Variants in DNAH6 observed in about 807,000 individuals in gnomAD.
DNAH6 encodes axonemal beta dynein heavy chain 6.
A neutral mutation model predicts 491.4 loss-of-function variants in DNAH6; 340 were observed. The ratio of observed to expected loss-of-function variants is 0.69; its 90% CI spans 0.63 to 0.76. The LOEUF (loss-of-function observed/expected upper bound fraction) is 0.76. DNAH6 is among the 30% of genes least tolerant of loss of function. The pLI, the probability that DNAH6 is intolerant of heterozygous loss-of-function variation, is 0.00. For synonymous variants in DNAH6, 1,603 were observed against 1,686.1 expected (o/e 0.95, Z 1.21); for missense variants, 4,443 against 4,972.2 (o/e 0.89, Z 3.20).
chr2:84,574,918 A>G (rs1682274691), intron 12 of DNAH6, among the ~76,000 whole-genome samples: 1 of 152,172 alleles, frequency 6.6e-6, no homozygotes, highest in Non-Finnish European at 1.5e-5. Context: ...AGTTCCCATC[A>G]GCATGCAGTC....
intron 69 of DNAH6, among the ~76,000 whole-genome samples, chr2:84,796,925 A>G (rs1678412486): frequency 6.6e-6 from 1 of 152,232 alleles, no homozygotes. Flanking sequence ...AGTAAAAACC[A>G]GATCTGTGAG....
At chr2:84,720,324 G>A (rs1397919443) in intron 59 of DNAH6, among the ~76,000 whole-genome samples, 1 of 122,276 alleles carries the variant, frequency 8.2e-6, no homozygotes, top group Non-Finnish European at 1.6e-5. Context: ...TGTCGCCCAG[G>A]CTGGAGTGCA....
chr2:84,654,737 A>G lies in DNAH6; in HGVS notation c.5712A>G (p.Lys1904=). 2 of 1,551,260 alleles carry G rather than the reference A, an allele frequency of 1.3e-6. No individual in the cohort carries two copies. The highest frequency in any genetic ancestry group is 1.7e-6 in the Non-Finnish European group (2 of 1,146,432). ...TGTTTGTGGATCCTGAAGAACTGAA[A>G]TGGATGCCTTATGTTAAAACTTGGA... is the stretch of plus-strand genomic sequence containing the variant. ...GMVFVDPEEL[K]WMPYVKTWMK... Residue 1904 remains lysine, a synonymous_variant, in exon 35 of 77, where the codon AAA becomes AAG. Transcript: ENST00000389394.
chr2:84,709,507 A>C lies in DNAH6; in HGVS notation c.9213A>C (p.Gln3071His). The C allele has an allele frequency of 6.4e-7, 1 of 1,551,734 alleles. No homozygotes were observed. Among genetic ancestry groups the C allele is most frequent in the South Asian group, 1.2e-5 (1 of 84,040 alleles). ...ISTENGILVT[Q>H]GRRWPLMIDP... ...CAGAAAATGGCATTTTGGTTACTCA[A>C]GGCAGAAGATGGCCTTTGATGATTG... Residue 3071 changes from glutamine (Q) to histidine (H), a missense_variant, in exon 55 of 77, where the codon CAA (glutamine) becomes CAC (histidine). Gln to His is a conservative substitution (Grantham distance 24). Transcript: ENST00000389394.
rs547970332 is a variant in DNAH6 at position 84,643,506 on chromosome 2, G to A, written c.5078+1452G>A. On this transcript the variant is annotated intron_variant, in intron 33 of 76. Transcript: ENST00000389394. Reference sequence around the variant, plus strand: ...ACCCTCTGGTATTCCCACTGCACACGTGGTACTCCTTTTGTAGTTGTACCA... The same window carrying A: ...ACCCTCTGGTATTCCCACTGCACACATGGTACTCCTTTTGTAGTTGTACCA... Among the ~76,000 whole-genome samples, 16 of 152,070 alleles carry A rather than the reference G, an allele frequency of 1.1e-4. 1 individual carries two copies. The South Asian group carries it at 2.5e-3, about 24-fold the overall frequency.
intron 11 of DNAH6, among the ~76,000 whole-genome samples, chr2:84,560,714 G>GT (rs1463503254): frequency 3.3e-5 from 5 of 151,904 alleles, no homozygotes; most frequent in East Asian, 3.9e-4. Context: ...GTGGTGTTTG[G>GT]TTTTTTGTCC....
the DNAH6 span, among the ~76,000 whole-genome samples, chr2:84,471,707 G>T: frequency 9.2e-5 from 14 of 152,264 alleles, no homozygotes; most frequent in African/African-American, 3.1e-4. Context: ...CATCCACGTG[G>T]TTCGTTCATC....
chr2:84,522,891 T>G (rs1411315957), intron 2 of DNAH6, among the ~76,000 whole-genome samples: 1 of 152,176 alleles, frequency 6.6e-6, no homozygotes, highest in East Asian at 1.9e-4. Context: ...GATTCTTGCA[T>G]CAATGTTTGT....
chr2:84,657,311 T>G (rs886174312), intron 35 of DNAH6, among the ~76,000 whole-genome samples: 3 of 152,018 alleles, frequency 2.0e-5, no homozygotes, highest in African/African-American at 7.2e-5. Flanking sequence ...TATTCTGGGT[T>G]TTTTGCCTTT....
intron 57 of DNAH6, 106 bp from the exon 58 acceptor site, chr2:84,715,434 TAGGTGTGTGTGCAATTAGAC>T: frequency 1.3e-6 from 1 of 765,888 alleles, no homozygotes; most frequent in Non-Finnish European, 2.1e-6. Flanking sequence ...TGTGTGGGGG[TAGGTGTGTGTGCAATTAGAC>T]CTGAGATACA....
chr2:84,572,982 T>A (rs1359857815), intron 11 of DNAH6, among the ~76,000 whole-genome samples: 1 of 152,354 alleles, frequency 6.6e-6, no homozygotes. Flanking sequence ...AAAGTTTTTA[T>A]TATGGCAAAG....
rs771837943 is a variant in DNAH6 at position 84,548,373 on chromosome 2, T to C, written c.1272T>C (p.Tyr424=). 12 of 1,613,860 alleles carry C rather than the reference T, an allele frequency of 7.4e-6. No individual in the cohort carries two copies. The East Asian group carries it at 2.0e-4, about 27-fold the overall frequency. Residue 424 remains tyrosine, a synonymous_variant, in exon 8 of 77, where the codon TAT becomes TAC. Coordinates refer to ENST00000389394, the MANE Select transcript of DNAH6 (RefSeq NM_001370.2). ...PTYGDSEKMT[Y]TEQASKRHYC... ...ATGGAGACTCTGAGAAAATGACATA[T>C]ACAGAACAGGCCAGCAAAAGGCATT... is the stretch of plus-strand genomic sequence containing the variant.
At chr2:84,508,899 G>A in the DNAH6 span, among the ~76,000 whole-genome samples, 1 of 152,148 alleles carries the variant, frequency 6.6e-6, no homozygotes, top group Non-Finnish European at 1.5e-5. Context: ...TCTTAATCCT[G>A]AGTTCTAGTT....
Position 84,662,396 on chromosome 2 carries a change from T to A in DNAH6, c.6084+3227T>A, listed in dbSNP as rs549241350. Among the ~76,000 whole-genome samples, 3 of 152,198 alleles carry A rather than the reference T, an allele frequency of 2.0e-5. No individual in the cohort carries two copies. In the South Asian group the frequency reaches 6.2e-4, roughly 32 times the overall value. On this transcript the variant is annotated intron_variant, in intron 37 of 76. Coordinates refer to ENST00000389394, the MANE Select transcript of DNAH6 (RefSeq NM_001370.2). ...GGCAGTACCTGGAAAATCGGGACAC[T>A]CCCACCCTAATACTGTGCTTTTCCA...
At chr2:84,602,655 T>A (rs976053445) in intron 18 of DNAH6, among the ~76,000 whole-genome samples, 2 of 151,878 alleles carry the variant, frequency 1.3e-5, no homozygotes, top group African/African-American at 4.8e-5. Context: ...ATTTGGTGTT[T>A]GTTTTTAATT....
chr2:84,509,974 G>C, the DNAH6 span, among the ~76,000 whole-genome samples: 2 of 152,168 alleles, frequency 1.3e-5, no homozygotes, highest in African/African-American at 4.8e-5. Context: ...CCCTTTGTGC[G>C]TAACCCGACC....
intron 2 of DNAH6, among the ~76,000 whole-genome samples, chr2:84,521,288 G>A (rs1172820092): frequency 6.6e-6 from 1 of 151,764 alleles, no homozygotes; most frequent in African/African-American, 2.4e-5. Context: ...AAAAGTGTCT[G>A]TTCATGTCCT....
At chr2:84,664,552 A>G (rs1261246823) in intron 37 of DNAH6, among the ~76,000 whole-genome samples, 2 of 152,206 alleles carry the variant, frequency 1.3e-5, no homozygotes, top group Non-Finnish European at 2.9e-5. Flanking sequence ...AGAGCTAACT[A>G]TCCTAAATAT....
intron 45 of DNAH6, among the ~76,000 whole-genome samples, chr2:84,691,995 A>T (rs72922802): frequency 0.065 from 9,944 of 152,286 alleles, 1,052 homozygotes; most frequent in African/African-American, 0.22. Context: ...AACAAATTTC[A>T]AAGTTTGATT....
Sources: allele counts gnomAD v4.1 joint callset (sites outside exome capture counted in the v4.1 genomes callset), GRCh38; gene constraint gnomAD v4.1.1; transcripts MANE v1.5; gene names NCBI Gene and HGNC (gene_info 2026-07-23, HGNC 2026-07-21).